UBTD2: variants seen among roughly 807,000 people sequenced by gnomAD.
UBTD2 encodes the protein ubiquitin domain-containing protein 2.
Under a neutral mutation model 19.8 loss-of-function variants are expected in UBTD2, and 9 were observed. The ratio of observed to expected loss-of-function variants is 0.46; its 90% CI spans 0.27 to 0.79. UBTD2 has a LOEUF of 0.79. UBTD2 is among the 30% of genes least tolerant of loss of function. UBTD2 has a pLI of 0.14. For missense variants in UBTD2, 250 were observed against 300.4 expected (o/e 0.83, Z 1.24); for synonymous variants, 98 against 103.9 (o/e 0.94, Z 0.35).
intron 1 of UBTD2, among the ~76,000 whole-genome samples, chr5:172,271,303 C>T (rs1451616317): frequency 6.6e-6 from 1 of 151,996 alleles, no homozygotes; most frequent in Non-Finnish European, 1.5e-5. Context: ...GTGGCAGGCG[C>T]TTGTAGTCCC....
intron 2 of UBTD2, among the ~76,000 whole-genome samples, chr5:172,230,322 C>T (rs577588233): frequency 2.0e-5 from 3 of 151,880 alleles, no homozygotes; most frequent in South Asian, 2.1e-4. Flanking sequence ...AGTGAAACTC[C>T]GTCTCAAAGT....
intron 1 of UBTD2, among the ~76,000 whole-genome samples, chr5:172,236,399 T>A (rs1232884215): frequency 1.3e-5 from 2 of 152,220 alleles, no homozygotes; most frequent in Admixed American, 6.5e-5. Flanking sequence ...GATGTGCCTA[T>A]TACATTTAAT....
intron 1 of UBTD2, chr5:172,254,807 G>C (rs1755105659): frequency 1.8e-6 from 1 of 551,460 alleles, no homozygotes; most frequent in Non-Finnish European, 3.3e-6. Context: ...TTCAATCCCA[G>C]GTTCTATTTT....
At chr5:172,274,526 G>A (rs1755568455) in intron 1 of UBTD2, among the ~76,000 whole-genome samples, 2 of 152,062 alleles carry the variant, frequency 1.3e-5, no homozygotes, top group Admixed American at 1.3e-4. Flanking sequence ...GAACATAATG[G>A]ACACTGAAAA....
At chr5:172,253,278 C>A (rs1327956147) in intron 1 of UBTD2, among the ~76,000 whole-genome samples, 1 of 152,068 alleles carries the variant, frequency 6.6e-6, no homozygotes, top group East Asian at 1.9e-4. Context: ...GTGCAATGTT[C>A]AGAAAGAGAA....
chr5:172,247,727 A>G (rs986975989), intron 1 of UBTD2, among the ~76,000 whole-genome samples: 3 of 152,240 alleles, frequency 2.0e-5, no homozygotes, highest in African/African-American at 7.2e-5. Context: ...CAGTTCTACA[A>G]ACAATACTTG....
At chr5:172,246,440 G>C (rs796458205) in intron 1 of UBTD2, among the ~76,000 whole-genome samples, 1 of 112,806 alleles carries the variant, frequency 8.9e-6, no homozygotes, top group Admixed American at 1.0e-4. Flanking sequence ...CATTGAGATT[G>C]CTTTTTTTTT....
intron 2 of UBTD2, among the ~76,000 whole-genome samples, chr5:172,215,639 C>A (rs1771526682): frequency 6.6e-6 from 1 of 152,120 alleles, no homozygotes; most frequent in Non-Finnish European, 1.5e-5. Flanking sequence ...TTAGAATGAT[C>A]AGACTGGGAA....
At chr5:172,244,424 G>T (rs530906017) in intron 1 of UBTD2, among the ~76,000 whole-genome samples, 2 of 151,676 alleles carry the variant, frequency 1.3e-5, no homozygotes, top group African/African-American at 4.8e-5. Context: ...AGCCTCCGGG[G>T]TAGCTGGGAT....
intron 1 of UBTD2, among the ~76,000 whole-genome samples, chr5:172,248,447 G>A (rs1249795184): frequency 1.3e-5 from 2 of 152,116 alleles, no homozygotes; most frequent in African/African-American, 4.8e-5. Flanking sequence ...AATTAGCTGG[G>A]TGTGGCGGCA....
intron 1 of UBTD2, chr5:172,242,552 G>C (rs184502296): frequency 2.3e-6 from 1 of 431,240 alleles, no homozygotes; most frequent in Non-Finnish European, 3.1e-6. Context: ...GTTAGGTTTA[G>C]AAGCTTTATT....
At chr5:172,236,955 C>T (rs1052202392) in intron 1 of UBTD2, among the ~76,000 whole-genome samples, 2 of 152,170 alleles carry the variant, frequency 1.3e-5, no homozygotes, top group South Asian at 2.1e-4. Context: ...AAAACACCTT[C>T]CTTACAAATG....
chr5:172,227,836 A>G (rs1041569022), intron 2 of UBTD2, among the ~76,000 whole-genome samples: 2 of 148,184 alleles, frequency 1.3e-5, no homozygotes, highest in Non-Finnish European at 3.0e-5. Flanking sequence ...ACCCGCCACC[A>G]TGCCCGGCTA....
chr5:172,233,918 T>C (rs960647817), intron 2 of UBTD2, among the ~76,000 whole-genome samples: 1 of 151,918 alleles, frequency 6.6e-6, no homozygotes, highest in Non-Finnish European at 1.5e-5. Context: ...TTAAAAAATA[T>C]ATACGTATAC....
At chr5:172,226,630 G>A (rs1439801704) in intron 2 of UBTD2, among the ~76,000 whole-genome samples, 1 of 152,152 alleles carries the variant, frequency 6.6e-6, no homozygotes, top group Non-Finnish European at 1.5e-5. Flanking sequence ...ATTTCATGGT[G>A]ATTTCCACAA....
At chr5:172,267,774 CA>C (rs1315076094) in intron 1 of UBTD2, among the ~76,000 whole-genome samples, 1 of 151,872 alleles carries the variant, frequency 6.6e-6, no homozygotes, top group Non-Finnish European at 1.5e-5. Flanking sequence ...TGTTAGTGTT[CA>C]ATGTCAGATT....
chr5:172,273,098 AAAATAAAAAT>A, intron 1 of UBTD2, among the ~76,000 whole-genome samples: 1 of 144,010 alleles, frequency 6.9e-6, no homozygotes, highest in Non-Finnish European at 1.5e-5. Context: ...AAAAAAAATA[AAAATAAAAAT>A]AAAAATCTGT....
intron 1 of UBTD2, among the ~76,000 whole-genome samples, chr5:172,247,828 T>A (rs532241370): frequency 1.3e-5 from 2 of 152,124 alleles, no homozygotes; most frequent in African/African-American, 4.8e-5. Context: ...ATAAACCAAC[T>A]AGACTTAACT....
chr5:172,260,605 T>C (rs1034711609), intron 1 of UBTD2, among the ~76,000 whole-genome samples: 27 of 152,330 alleles, frequency 1.8e-4, no homozygotes, highest in African/African-American at 5.5e-4. Flanking sequence ...CTACAACTGA[T>C]ACAATGCAGA....
Sources: gnomAD v4.1 joint callset for allele counts (sites outside exome capture counted in the v4.1 genomes callset) on GRCh38, gnomAD v4.1.1 for gene constraint, MANE v1.5 for transcripts, NCBI Gene and HGNC (gene_info 2026-07-23, HGNC 2026-07-21) for gene names.